EIF4E3: variants seen among roughly 807,000 people sequenced by gnomAD.
The protein encoded by EIF4E3 is eukaryotic translation initiation factor 4E family member 3.
A neutral mutation model predicts 31.7 loss-of-function variants in EIF4E3; 26 were observed. That is an observed-to-expected ratio of 0.82 (90% CI 0.60 to 1.14). The LOEUF is 1.14. Ranked by LOEUF, EIF4E3 falls within the 50% of genes most tolerant of loss-of-function variation. EIF4E3 has a pLI of 0.00. For missense variants in EIF4E3, 304 were observed against 270.9 expected (o/e 1.12, Z -0.86); for synonymous variants, 128 against 107.7 (o/e 1.19, Z -1.17).
chr3:71,730,616 G>A (rs187368207), intron 1 of EIF4E3, among the ~76,000 whole-genome samples: 11 of 152,268 alleles, frequency 7.2e-5, no homozygotes, highest in African/African-American at 2.4e-4. Flanking sequence ...GTGGCCTTGA[G>A]GTTTGGTTGT....
chr3:71,729,041 G>C (rs1419384951), upstream of EIF4E3: 1 of 152,298 alleles, frequency 6.6e-6, no homozygotes, highest in Non-Finnish European at 1.5e-5. Flanking sequence ...GAGAAAGTCA[G>C]AGCGAGCAAG....
chr3:71,690,316 T>C, intron 5 of EIF4E3, 151 bp from the exon 6 acceptor site: 1 of 913,812 alleles, frequency 1.1e-6, no homozygotes, highest in South Asian at 2.1e-5. Flanking sequence ...ATTGTTTCTA[T>C]GGGGAATCAC....
chr3:71,673,371 G>GA (rs1348156982), downstream of EIF4E3, among the ~76,000 whole-genome samples: 1 of 152,034 alleles, frequency 6.6e-6, no homozygotes. Flanking sequence ...TGAATTATTG[G>GA]CCAGGAGTCA....
At chr3:71,712,745 T>A (rs928627916) in intron 1 of EIF4E3, among the ~76,000 whole-genome samples, 1 of 151,930 alleles carries the variant, frequency 6.6e-6, no homozygotes, top group African/African-American at 2.4e-5. Context: ...TAAAGTTCAC[T>A]TCAATTTGAA....
At chr3:71,731,131 G>T (rs980499537) in intron 1 of EIF4E3, among the ~76,000 whole-genome samples, 4 of 152,112 alleles carry the variant, frequency 2.6e-5, no homozygotes, top group African/African-American at 9.7e-5. Context: ...GGGTCTCCCT[G>T]CTTCTAACAC....
At chr3:71,673,909 T>TTATA (rs796175405), downstream of EIF4E3, among the ~76,000 whole-genome samples, 669 of 138,084 alleles carry the variant, frequency 4.8e-3, 9 homozygotes, top group East Asian at 0.07. Flanking sequence ...AATATAATAA[T>TTATA]TATATATATA....
chr3:71,754,557 C>T (rs1324893368), upstream of EIF4E3: 4 of 1,372,666 alleles, frequency 2.9e-6, no homozygotes, highest in Admixed American at 9.2e-5. The surrounding 1 kb of genome is among the most constrained non-coding windows in gnomAD (Gnocchi z 5.8). Flanking sequence ...CGAGGACGCG[C>T]CGTGCGCCCT....
At chr3:71,752,354 T>A (rs977560635) in intron 1 of EIF4E3, among the ~76,000 whole-genome samples, 28 of 152,218 alleles carry the variant, frequency 1.8e-4, no homozygotes, top group Non-Finnish European at 1.5e-5. Context: ...GCTGCCAGAA[T>A]AATGTTCCTG....
chr3:71,665,291 T>C, the EIF4E3 span, among the ~76,000 whole-genome samples: 3 of 152,248 alleles, frequency 2.0e-5, no homozygotes, highest in African/African-American at 7.2e-5. Context: ...TGGTTTTCTC[T>C]TGATGACTCC....
chr3:71,736,724 G>A (rs2049767341), intron 1 of EIF4E3, among the ~76,000 whole-genome samples: 1 of 152,152 alleles, frequency 6.6e-6, no homozygotes, highest in Non-Finnish European at 1.5e-5. Context: ...TACTATAATG[G>A]TGGATACATG....
chr3:71,719,234 G>A (rs1412577226), intron 1 of EIF4E3, among the ~76,000 whole-genome samples: 1 of 152,202 alleles, frequency 6.6e-6, no homozygotes, highest in Non-Finnish European at 1.5e-5. Context: ...AGTCATGTTT[G>A]CAATCTTATA....
At chr3:71,719,474 G>C (rs2049513352) in intron 1 of EIF4E3, among the ~76,000 whole-genome samples, 1 of 151,818 alleles carries the variant, frequency 6.6e-6, no homozygotes, top group Admixed American at 6.6e-5. Flanking sequence ...AGGCTTGGTG[G>C]AGCTAAACCA....
intron 4 of EIF4E3, among the ~76,000 whole-genome samples, 174 bp downstream of exon 4, chr3:71,696,286 T>C (rs889342408): frequency 6.6e-6 from 1 of 152,198 alleles, no homozygotes; most frequent in Non-Finnish European, 1.5e-5. Flanking sequence ...TTATACACTT[T>C]CAAGGTGACA....
At chr3:71,715,344 TG>T (rs1254156434) in intron 1 of EIF4E3, among the ~76,000 whole-genome samples, 1 of 152,254 alleles carries the variant, frequency 6.6e-6, no homozygotes, top group Non-Finnish European at 1.5e-5. Flanking sequence ...CTGTGGCCAC[TG>T]GGGATACAAT....
At chr3:71,747,584 G>C (rs928450499) in intron 1 of EIF4E3, among the ~76,000 whole-genome samples, 23 of 152,060 alleles carry the variant, frequency 1.5e-4, no homozygotes, top group Non-Finnish European at 2.9e-4. Flanking sequence ...TCATTTTCTT[G>C]ATGGTGTCTA....
At chr3:71,722,982 G>A (rs947739180) in intron 1 of EIF4E3, among the ~76,000 whole-genome samples, 2 of 152,206 alleles carry the variant, frequency 1.3e-5, no homozygotes, top group African/African-American at 4.8e-5. Flanking sequence ...CAGCTAGATG[G>A]CTTGCTCATC....
At chr3:71,704,550 A>G (rs1295038996) in intron 2 of EIF4E3, among the ~76,000 whole-genome samples, 1 of 152,212 alleles carries the variant, frequency 6.6e-6, no homozygotes, top group African/African-American at 2.4e-5. Flanking sequence ...AACATTTCCT[A>G]AATCTCCAAT....
chr3:71,737,798 A>T (rs1349041540), intron 1 of EIF4E3, among the ~76,000 whole-genome samples: 1 of 151,874 alleles, frequency 6.6e-6, no homozygotes, highest in East Asian at 1.9e-4. Context: ...CAAACAAAAA[A>T]CAACAACAAC....
At chr3:71,727,500 G>A (rs1269299230), upstream of EIF4E3, among the ~76,000 whole-genome samples, 2 of 151,972 alleles carry the variant, frequency 1.3e-5, no homozygotes, top group African/African-American at 4.8e-5. Context: ...ACATTTATGT[G>A]GTTTCTAGAC....
Sources: allele counts gnomAD v4.1 joint callset (sites outside exome capture counted in the v4.1 genomes callset), GRCh38; gene constraint gnomAD v4.1.1; non-coding constraint Gnocchi (gnomAD v3.1); transcripts MANE v1.5; gene names NCBI Gene and HGNC (gene_info 2026-07-23, HGNC 2026-07-21).